The following SPG11 variants were observed in gnomAD, a reference collection of about 807,000 sequenced individuals.
SPG11 encodes the protein SPG11 vesicle trafficking associated, spatacsin.
A neutral mutation model predicts 274.0 loss-of-function variants in SPG11; 222 were observed. The observed-to-expected ratio is 0.81, with a 90% CI of 0.73 to 0.91. The LOEUF (loss-of-function observed/expected upper bound fraction) is 0.91, where lower values mean the gene tolerates loss of function less well. Among genes scored for constraint, SPG11 ranks in the 40% least tolerant of loss-of-function variants. The probability of loss-of-function intolerance (pLI) is 0.00; values close to 1 mark genes in which losing one functional copy is unlikely to be tolerated. For missense variants in SPG11, 3,114 were observed against 2,872.7 expected (o/e 1.08, Z -1.92); for synonymous variants, 1,144 against 1,039.7 (o/e 1.10, Z -1.93).
intron 18 of SPG11, among the ~76,000 whole-genome samples, chr15:44,609,375 C>T (rs1286485586): frequency 3.3e-5 from 5 of 151,872 alleles, no homozygotes; most frequent in Non-Finnish European, 5.9e-5. Flanking sequence ...GTGATCCGCC[C>T]GCCTCACCCT....
chr15:44,567,879 G>C (rs1020365736), intron 35 of SPG11, among the ~76,000 whole-genome samples: 6 of 152,188 alleles, frequency 3.9e-5, no homozygotes, highest in African/African-American at 1.4e-4. Flanking sequence ...TCCCTAAAGA[G>C]ATAAGCAGAG....
chr15:44,600,810 A>G (rs1262566423), intron 20 of SPG11, among the ~76,000 whole-genome samples, 178 bp from the exon 21 acceptor site: 1 of 152,252 alleles, frequency 6.6e-6, no homozygotes, highest in African/African-American at 2.4e-5. Flanking sequence ...GGTAGCCTTC[A>G]TTTTATACAA....
intron 3 of SPG11, among the ~76,000 whole-genome samples, chr15:44,657,934 C>T (rs1476882988): frequency 1.3e-5 from 2 of 152,128 alleles, no homozygotes; most frequent in South Asian, 2.1e-4. Flanking sequence ...GGCTAAGGCA[C>T]GAGAATCGCT....
chr15:44,573,312 C>T, intron 32 of SPG11: 2 of 625,320 alleles, frequency 3.2e-6, no homozygotes, highest in Non-Finnish European at 5.7e-6. Flanking sequence ...CAGAAAGCCA[C>T]AGCTACTCCC....
At position 44,595,255 on chromosome 15, in the gene SPG11, C is replaced by G; in HGVS notation, c.4635+4G>C. ...CTGGAAAGAAGTGAAGCAACTATCACTACCTTAAAGAAAAGCTGGAAACCT... is the reference window on the plus strand; with the variant it reads ...CTGGAAAGAAGTGAAGCAACTATCAGTACCTTAAAGAAAAGCTGGAAACCT... On this transcript the variant is annotated splice_donor_region_variant and intron_variant, in intron 26 of 39. Coordinates refer to ENST00000261866, the MANE Select transcript of SPG11 (RefSeq NM_025137.4). The G allele has an allele frequency of 6.2e-7, 1 of 1,614,002 alleles. No homozygotes were observed. The highest frequency in any genetic ancestry group is 8.5e-7 in the Non-Finnish European group (1 of 1,179,850).
chr15:44,620,950 C>T (rs1487730319), intron 14 of SPG11: 2 of 157,050 alleles, frequency 1.3e-5, no homozygotes, highest in Admixed American at 1.2e-4. Flanking sequence ...CTCAGCCTCC[C>T]AAAGTGCTGG....
At position 44,659,318 on chromosome 15, in the gene SPG11, G is replaced by C; in HGVS notation, c.443-15C>G. On this transcript the variant is annotated splice_polypyrimidine_tract_variant and intron_variant, in intron 2 of 39. Coordinates refer to ENST00000261866, the MANE Select transcript of SPG11 (RefSeq NM_025137.4). ...TAAGGAAATACCTACAAAACAAAAG[G>C]ATATTATTTCAAACTCATTGGTCAC... The C allele has an allele frequency of 6.3e-7, 1 of 1,597,498 alleles. No individual in the cohort carries two copies. The highest frequency in any genetic ancestry group is 2.2e-5 in the East Asian group (1 of 44,768).
At chr15:44,653,937 CAAA>C in intron 4 of SPG11, among the ~76,000 whole-genome samples, 1 of 152,128 alleles carries the variant, frequency 6.6e-6, no homozygotes, top group Admixed American at 6.6e-5. Flanking sequence ...TTTAAACTCA[CAAA>C]TGAACCATGT....
At chr15:44,563,360 A>G (rs2082236462) in intron 39 of SPG11, 59 bp from the exon 40 acceptor site, 1 of 1,511,732 alleles carries the variant, frequency 6.6e-7, no homozygotes, top group Admixed American at 1.7e-5. Flanking sequence ...GTTTTGTTTG[A>G]GACAGTCTTA....
At chr15:44,657,016 A>G in intron 4 of SPG11, 79 bp downstream of exon 4, 1 of 1,310,246 alleles carries the variant, frequency 7.6e-7, no homozygotes, top group South Asian at 1.4e-5. Context: ...GTTAAAAAAA[A>G]AAAACTAACG....
chr15:44,570,308 T>A (rs957198167), intron 34 of SPG11, among the ~76,000 whole-genome samples: 1 of 152,150 alleles, frequency 6.6e-6, no homozygotes, highest in Non-Finnish European at 1.5e-5. Context: ...CTGGGAGGGA[T>A]CTTCTCCCTT....
chr15:44,603,426 C>T (rs1228341310), intron 20 of SPG11, among the ~76,000 whole-genome samples: 1 of 152,154 alleles, frequency 6.6e-6, no homozygotes, highest in Non-Finnish European at 1.5e-5. Flanking sequence ...TTTCCCTCTA[C>T]ACTAATTACC....
In SPG11 at chr15:44,644,418, A is replaced by G. The variant is rs1036896713; in HGVS notation, c.1602+4448T>C. 3.9e-5 allele frequency among the ~76,000 whole-genome samples: 6 copies of G among 152,176 alleles called. No homozygotes were observed. In the South Asian group the frequency reaches 1.0e-3, roughly 26 times the overall value. On this transcript the variant is annotated intron_variant, in intron 7 of 39. Coordinates refer to ENST00000261866, the MANE Select transcript of SPG11 (RefSeq NM_025137.4). Reference sequence around the variant, plus strand: ...TCAACAAACTAGGCATTGAAGAAACATATCTCAAAATATCAAGAGCCATTT... The same window carrying G: ...TCAACAAACTAGGCATTGAAGAAACGTATCTCAAAATATCAAGAGCCATTT...
At chr15:44,565,418 G>C (rs1363050282) in intron 38 of SPG11, among the ~76,000 whole-genome samples, 1 of 152,214 alleles carries the variant, frequency 6.6e-6, no homozygotes, top group East Asian at 1.9e-4. Flanking sequence ...AGAAGCCCTT[G>C]CATGTGCAGT....
chr15:44,661,724 A>C (rs750448681), intron 1 of SPG11, among the ~76,000 whole-genome samples: 4 of 152,192 alleles, frequency 2.6e-5, no homozygotes, highest in African/African-American at 9.7e-5. Context: ...GGTAGAGTAC[A>C]TCATTAGCAT....
At chr15:44,628,439 G>A (rs899123089) in intron 10 of SPG11, among the ~76,000 whole-genome samples, 14 of 152,132 alleles carry the variant, frequency 9.2e-5, no homozygotes, top group Non-Finnish European at 2.1e-4. Context: ...AACCCAAGTG[G>A]GCAGATCTAG....
intron 27 of SPG11, 86 bp downstream of exon 27, chr15:44,592,245 A>G (rs898284508): frequency 3.0e-5 from 24 of 810,636 alleles, no homozygotes; most frequent in Non-Finnish European, 5.0e-5. Flanking sequence ...CGAGTGAGAC[A>G]CCAAGTCTTT....
intron 30 of SPG11, among the ~76,000 whole-genome samples, chr15:44,577,017 G>T (rs1347669158): frequency 6.6e-6 from 1 of 151,972 alleles, no homozygotes; most frequent in Admixed American, 6.6e-5. Context: ...TAGTAGATAT[G>T]AAGTTTCACC....
chr15:44,659,353 A>G (rs973030983), intron 2 of SPG11, 50 bp from the exon 3 acceptor site: 2 of 1,468,948 alleles, frequency 1.4e-6, no homozygotes, highest in Non-Finnish European at 1.9e-6. Context: ...CAATTTTACA[A>G]CTGGTACATT....
Sources: allele counts gnomAD v4.1 joint callset (sites outside exome capture counted in the v4.1 genomes callset), GRCh38; gene constraint gnomAD v4.1.1; transcripts MANE v1.5; gene names NCBI Gene and HGNC (gene_info 2026-07-23, HGNC 2026-07-21).